The following CCDC38 variants were observed in gnomAD, a reference collection of about 807,000 sequenced individuals.
CCDC38 encodes coiled-coil domain-containing protein 38.
Under a neutral mutation model 72.8 loss-of-function variants are expected in CCDC38, and 69 were observed. That is an observed-to-expected ratio of 0.95 (90% CI 0.78 to 1.16). CCDC38 has a LOEUF of 1.16. Ranked by LOEUF, CCDC38 falls within the 50% of genes most tolerant of loss-of-function variation. The pLI is 0.00. For missense variants in CCDC38, 626 were observed against 638.9 expected (o/e 0.98, Z 0.22); for synonymous variants, 201 against 213.2 (o/e 0.94, Z 0.50).
intron 4 of CCDC38, among the ~76,000 whole-genome samples, chr12:95,908,638 GAGA>G (rs1201754921): frequency 9.3e-3 from 9 of 968 alleles, no homozygotes; most frequent in Middle Eastern, 0.17. Flanking sequence ...GGAGAGGGAG[GAGA>G]GGGAGAGGGA....
At chr12:95,929,952 T>G (rs1291837103) in intron 2 of CCDC38, among the ~76,000 whole-genome samples, 1 of 152,116 alleles carries the variant, frequency 6.6e-6, no homozygotes, top group Non-Finnish European at 1.5e-5. Context: ...GCCTCCAACT[T>G]CACATGGCCT....
intron 2 of CCDC38, chr12:95,919,707 T>C (rs2080183613): frequency 2.3e-6 from 1 of 442,972 alleles, no homozygotes; most frequent in East Asian, 7.0e-5. Flanking sequence ...ATGTTTCTTC[T>C]CACCATTATA....
intron 14 of CCDC38, among the ~76,000 whole-genome samples, chr12:95,871,400 C>T (rs993016176): frequency 6.6e-6 from 1 of 152,096 alleles, no homozygotes; most frequent in Non-Finnish European, 1.5e-5. Context: ...GCAAATATGC[C>T]GTCTTATATG....
intron 10 of CCDC38, among the ~76,000 whole-genome samples, chr12:95,887,376 ATAGT>A (rs758821335): frequency 1.4e-4 from 22 of 152,354 alleles, no homozygotes; most frequent in Admixed American, 6.5e-4. Flanking sequence ...CAATGAGCAA[ATAGT>A]TAAACTGTAG....
intron 2 of CCDC38, among the ~76,000 whole-genome samples, chr12:95,932,018 C>T (rs567318639): frequency 6.0e-5 from 9 of 151,106 alleles, no homozygotes; most frequent in Non-Finnish European, 1.2e-4. Flanking sequence ...TAAATGGGGT[C>T]GGGGGACTGT....
At chr12:95,924,587 T>C (rs1191361857) in intron 2 of CCDC38, among the ~76,000 whole-genome samples, 1 of 150,954 alleles carries the variant, frequency 6.6e-6, no homozygotes, top group Non-Finnish European at 1.5e-5. Context: ...CCATTGCTTT[T>C]GGTGTTTTAG....
chr12:95,922,157 A>G (rs985178663), intron 2 of CCDC38, among the ~76,000 whole-genome samples: 1 of 152,218 alleles, frequency 6.6e-6, no homozygotes, highest in Non-Finnish European at 1.5e-5. Flanking sequence ...TCTGTAAGTC[A>G]TGAGTTAGAG....
At chr12:95,919,937 A>G (rs1400908317) in intron 2 of CCDC38, among the ~76,000 whole-genome samples, 1 of 152,240 alleles carries the variant, frequency 6.6e-6, no homozygotes, top group Non-Finnish European at 1.5e-5. Context: ...AGTTCCTTAA[A>G]AAGTTGAACA....
At chr12:95,896,156 A>G (rs1289086913) in intron 7 of CCDC38, among the ~76,000 whole-genome samples, 1 of 152,098 alleles carries the variant, frequency 6.6e-6, no homozygotes, top group Non-Finnish European at 1.5e-5. Flanking sequence ...CAGGCAGGAC[A>G]CACTACAGAC....
upstream of CCDC38, chr12:95,943,228 C>T (rs902865632): frequency 2.0e-5 from 13 of 651,386 alleles, no homozygotes; most frequent in African/African-American, 1.4e-4. Context: ...ATGATTACCG[C>T]CCCCGTTGCT....
chr12:95,898,074 A>T (rs934954787), intron 7 of CCDC38, among the ~76,000 whole-genome samples: 4 of 152,236 alleles, frequency 2.6e-5, no homozygotes, highest in Non-Finnish European at 5.9e-5. Context: ...TATAAAAAGA[A>T]AAAAATGAAT....
chr12:95,919,537 A>G (rs1473325918), intron 2 of CCDC38: 2 of 456,088 alleles, frequency 4.4e-6, no homozygotes, highest in Admixed American at 2.3e-5. Flanking sequence ...TTAACAGTAG[A>G]ATGCAGATAG....
intron 2 of CCDC38, among the ~76,000 whole-genome samples, chr12:95,926,550 G>T (rs1164218782): frequency 6.6e-6 from 1 of 151,942 alleles, no homozygotes; most frequent in Non-Finnish European, 1.5e-5. Context: ...CTTCAGTTCT[G>T]CTCTGATTTT....
intron 5 of CCDC38, among the ~76,000 whole-genome samples, chr12:95,899,802 G>A (rs1168233054): frequency 6.6e-6 from 1 of 152,136 alleles, no homozygotes; most frequent in Non-Finnish European, 1.5e-5. Context: ...TGTGTGCCAG[G>A]ACTGTTTTAA....
chr12:95,897,870 C>G (rs1230447993), intron 7 of CCDC38, among the ~76,000 whole-genome samples: 1 of 152,104 alleles, frequency 6.6e-6, no homozygotes, highest in African/African-American at 2.4e-5. Flanking sequence ...AGCTGAGAGG[C>G]AAGCAGTGTG....
intron 10 of CCDC38, among the ~76,000 whole-genome samples, chr12:95,884,319 A>C (rs2079733670): frequency 1.3e-5 from 2 of 152,246 alleles, no homozygotes; most frequent in Admixed American, 1.3e-4. Flanking sequence ...GTACAATACC[A>C]TTTACAATTG....
chr12:95,911,068 C>A (rs1193655614), intron 4 of CCDC38, among the ~76,000 whole-genome samples: 1 of 151,980 alleles, frequency 6.6e-6, no homozygotes, highest in African/African-American at 2.4e-5. Flanking sequence ...AAATAGAAAA[C>A]AGAGAAATAA....
At position 95,867,145 on chromosome 12, in the gene CCDC38, G is replaced by T. The variant is rs138854457; in HGVS notation, c.1623C>A (p.Asn541Lys). 3.9e-4 allele frequency: 631 copies of T among 1,608,856 alleles called. 5 individuals carry two copies. In the African/African-American group the frequency reaches 7.0e-3, roughly 18 times the overall value. Reference protein sequence around the residue: ...LVFHSKPPSGNKQQLPLVNET... With the variant: ...LVFHSKPPSGKKQQLPLVNET... ...CATTGACTAAAGGTAGCTGCTGTTT[G>T]TTACCAGATGGAGGTTTTGAATGAA... The change falls in exon 16 of 16, where the codon AAC (asparagine) becomes AAA (lysine). Residue 541 changes from asparagine to lysine, a missense_variant. Coordinates refer to ENST00000344280, the MANE Select transcript of CCDC38 (RefSeq NM_182496.3).
chr12:95,920,399 T>C (rs954489083), intron 2 of CCDC38, among the ~76,000 whole-genome samples: 3 of 152,212 alleles, frequency 2.0e-5, no homozygotes, highest in Admixed American at 6.5e-5. Flanking sequence ...CTCTTTCATT[T>C]ATAAATTAGC....
Sources: gnomAD v4.1 joint callset for allele counts (sites outside exome capture counted in the v4.1 genomes callset) on GRCh38, gnomAD v4.1.1 for gene constraint, MANE v1.5 for transcripts, NCBI Gene and HGNC (gene_info 2026-07-23, HGNC 2026-07-21) for gene names.